PIGF: variants seen among roughly 807,000 people sequenced by gnomAD.
PIGF encodes phosphatidylinositol glycan anchor biosynthesis class F, also known as GPI ethanolamine phosphate transferase, stabilizing subunit.
A neutral mutation model predicts 26.0 loss-of-function variants in PIGF; 23 were observed. The observed-to-expected ratio is 0.88, with a 90% CI of 0.64 to 1.25. PIGF has a LOEUF of 1.25. Ranked by LOEUF, PIGF falls within the 50% of genes most tolerant of loss-of-function variation. The pLI is 0.00. For missense variants in PIGF, 278 were observed against 249.9 expected (o/e 1.11, Z -0.76); for synonymous variants, 93 against 92.6 (o/e 1.00, Z -0.03).
intron 4 of PIGF, among the ~76,000 whole-genome samples, chr2:46,601,295 G>T (rs1670046902): frequency 6.6e-6 from 1 of 152,048 alleles, no homozygotes; most frequent in Admixed American, 6.6e-5. Flanking sequence ...AATGTTACAG[G>T]CCAGCCTTCA....
intron 4 of PIGF, among the ~76,000 whole-genome samples, chr2:46,604,228 G>A (rs1440281871): frequency 6.6e-6 from 1 of 152,128 alleles, no homozygotes; most frequent in East Asian, 1.9e-4. Context: ...ATGCTGGCGA[G>A]GATGTGGAGA....
At chr2:46,613,554 C>A in intron 3 of PIGF, 140 bp downstream of exon 3, 1 of 576,836 alleles carries the variant, frequency 1.7e-6, no homozygotes. Context: ...AAAAGAATAA[C>A]ACTGCTAATG....
intron 4 of PIGF, among the ~76,000 whole-genome samples, chr2:46,593,871 A>C (rs566243067): frequency 6.6e-6 from 1 of 152,348 alleles, no homozygotes. Context: ...TGAATTTTAA[A>C]AGTCCCAAAT....
chr2:46,592,612 G>T (rs1249691749), intron 4 of PIGF, 29 bp from the exon 5 acceptor site: 2 of 1,123,550 alleles, frequency 1.8e-6, no homozygotes, highest in Admixed American at 3.4e-5. Flanking sequence ...TACATCGTTG[G>T]TGGTATATAC....
In PIGF at chr2:46,583,765, G is replaced by C. The variant is rs546985414; in HGVS notation, c.547-2174C>G. 5.5e-3 allele frequency among the ~76,000 whole-genome samples: 836 copies of C among 152,144 alleles called. 6 individuals are homozygous for C. Among genetic ancestry groups the C allele is most frequent in the African/African-American group, 0.019 (797 of 41,510 alleles). On this transcript the variant is annotated intron_variant, in intron 5 of 5. Coordinates refer to ENST00000281382, the MANE Select transcript of PIGF (RefSeq NM_002643.4). ...ACTATTTCAAACTAGTGAAATATCT[G>C]GGAAATAAACTGCTTCAAAAATATT...
At position 46,612,274 on chromosome 2, in the gene PIGF, A is replaced by C. The variant is rs1373799176; in HGVS notation, c.391T>G (p.Leu131Val). The change falls in exon 4 of 6, where the codon TTA (leucine) becomes GTA (valine). Residue 131 changes from leucine to valine, a missense_variant. Transcript: ENST00000281382. ...TFTTVPCLCLLGPNLKAWLRV... is the reference protein window; with the variant it reads ...TFTTVPCLCLVGPNLKAWLRV... ...AGCCATGCTTTGAGGTTTGGTCCTA[A>C]CAAACATAAGCAAGGCACAGTAGTA... 2 of 1,485,066 alleles carry C rather than the reference A, an allele frequency of 1.3e-6. No homozygotes were observed. The highest frequency in any genetic ancestry group is 1.8e-6 in the Non-Finnish European group (2 of 1,110,510). The allele number at this position is 1,485,066 out of a possible 1,614,324, so 92.0% of individuals were successfully genotyped here.
intron 4 of PIGF, among the ~76,000 whole-genome samples, chr2:46,605,746 C>A (rs558053284): frequency 1.3e-5 from 2 of 152,106 alleles, no homozygotes; most frequent in East Asian, 3.9e-4. Flanking sequence ...GATTCCAATC[C>A]CAGCTCTACT....
chr2:46,612,531 A>C (rs1670455929), intron 3 of PIGF, among the ~76,000 whole-genome samples, 187 bp from the exon 4 acceptor site: 2 of 152,220 alleles, frequency 1.3e-5, no homozygotes, highest in Non-Finnish European at 2.9e-5. Flanking sequence ...AAAACAATCT[A>C]GCAAGTATTT....
intron 4 of PIGF, among the ~76,000 whole-genome samples, chr2:46,608,099 C>T (rs1429807814): frequency 6.6e-6 from 1 of 152,236 alleles, no homozygotes; most frequent in East Asian, 1.9e-4. Flanking sequence ...TGTTTGACAG[C>T]CTTTTACCCA....
intron 4 of PIGF, among the ~76,000 whole-genome samples, chr2:46,600,871 G>A (rs915231894): frequency 1.3e-5 from 2 of 151,824 alleles, no homozygotes; most frequent in Non-Finnish European, 2.9e-5. Flanking sequence ...TGGGAAAAAA[G>A]TTATAAAGCC....
intron 4 of PIGF, among the ~76,000 whole-genome samples, chr2:46,606,756 GATAA>G (rs1162396138): frequency 6.6e-6 from 1 of 152,058 alleles, no homozygotes; most frequent in Non-Finnish European, 1.5e-5. Flanking sequence ...GCATACCCAA[GATAA>G]ATAAACACAT....
At chr2:46,607,753 G>A (rs1197712322) in intron 4 of PIGF, among the ~76,000 whole-genome samples, 1 of 151,814 alleles carries the variant, frequency 6.6e-6, no homozygotes, top group Non-Finnish European at 1.5e-5. Flanking sequence ...GGAGTGCAGT[G>A]GCACAATCTC....
In PIGF at chr2:46,615,182, C is replaced by T. The variant is rs745736781; in HGVS notation, c.-18G>A. On this transcript the variant is annotated 5_prime_UTR_variant, in exon 2 of 6. Coordinates refer to ENST00000281382, the MANE Select transcript of PIGF (RefSeq NM_002643.4). ...TCTTTCATGGTGTTTTCTTGGATGG[C>T]TAGCTAACAAAAAACAAGAAAAGAA... The T allele has an allele frequency of 3.3e-6, 4 of 1,207,968 alleles. No individual in the cohort carries two copies. The highest frequency in any genetic ancestry group is 4.9e-6 in the Non-Finnish European group (4 of 821,674). 74.8% of individuals were successfully genotyped at this position (1,207,968 alleles called of 1,614,324 possible).
chr2:46,613,412 G>A (rs973633160), intron 3 of PIGF, among the ~76,000 whole-genome samples: 1 of 152,018 alleles, frequency 6.6e-6, no homozygotes, highest in South Asian at 2.1e-4. Context: ...TCTTTCAGAG[G>A]TTCTAAGGGC....
chr2:46,595,818 G>A (rs1390756770), intron 4 of PIGF, among the ~76,000 whole-genome samples: 1 of 152,102 alleles, frequency 6.6e-6, no homozygotes, highest in African/African-American at 2.4e-5. Flanking sequence ...ATGGTATCAT[G>A]GTGATAGATT....
intron 5 of PIGF, among the ~76,000 whole-genome samples, chr2:46,584,119 C>T (rs1239461715): frequency 6.6e-6 from 1 of 152,008 alleles, no homozygotes; most frequent in Non-Finnish European, 1.5e-5. Flanking sequence ...TTTAAAATAC[C>T]AAATTAAATA....
At chr2:46,609,195 T>G (rs193202320) in intron 4 of PIGF, among the ~76,000 whole-genome samples, 50 of 152,374 alleles carry the variant, frequency 3.3e-4, no homozygotes, top group African/African-American at 1.2e-3. Context: ...ACCTTGCACT[T>G]TTATGTGATG....
intron 4 of PIGF, among the ~76,000 whole-genome samples, chr2:46,596,457 A>T (rs963898838): frequency 2.0e-5 from 3 of 152,140 alleles, no homozygotes; most frequent in African/African-American, 7.2e-5. Flanking sequence ...ACCTATTTTT[A>T]AAAATAGAAA....
chr2:46,587,454 A>C (rs919064261), intron 5 of PIGF, among the ~76,000 whole-genome samples: 9 of 152,006 alleles, frequency 5.9e-5, no homozygotes, highest in African/African-American at 2.2e-4. Flanking sequence ...AAAAAAACCC[A>C]AAAAATTTTT....
Sources: gnomAD v4.1 joint callset for allele counts (sites outside exome capture counted in the v4.1 genomes callset) on GRCh38, gnomAD v4.1.1 for gene constraint, MANE v1.5 for transcripts, NCBI Gene and HGNC (gene_info 2026-07-23, HGNC 2026-07-21) for gene names.